BRD7: variants seen among roughly 807,000 people sequenced by gnomAD.
The protein encoded by BRD7 is bromodomain-containing protein 7.
In BRD7, 15 loss-of-function variants were observed where a neutral mutation model predicts 82.1. The observed-to-expected ratio is 0.18, with a 90% confidence interval of 0.12 to 0.28. The LOEUF (loss-of-function observed/expected upper bound fraction) is 0.28. Among genes scored for constraint, BRD7 ranks in the 10% least tolerant of loss-of-function variants. The pLI, the probability that BRD7 is intolerant of heterozygous loss-of-function variation, is 1.00. For missense variants in BRD7, 638 were observed against 779.9 expected (o/e 0.82, Z 2.17); for synonymous variants, 232 against 266.9 (o/e 0.87, Z 1.27).
intron 16 of BRD7, among the ~76,000 whole-genome samples, chr16:50,319,608 T>TA (rs999691905): frequency 1.3e-5 from 2 of 152,090 alleles, no homozygotes; most frequent in African/African-American, 4.8e-5. Flanking sequence ...AAAACCCAAT[T>TA]AAAAAAATAC....
chr16:50,338,020 T>C (rs1463474539), intron 6 of BRD7, among the ~76,000 whole-genome samples: 3 of 152,198 alleles, frequency 2.0e-5, no homozygotes, highest in Admixed American at 2.0e-4. Context: ...TTGTATTAAC[T>C]ACATTACTTA....
At chr16:50,359,858 TG>T (rs2038875473) in intron 2 of BRD7, among the ~76,000 whole-genome samples, 1 of 151,968 alleles carries the variant, frequency 6.6e-6, no homozygotes, top group Admixed American at 6.6e-5. Flanking sequence ...CTAGCTAGGT[TG>T]GGGGTGGAGG....
intron 4 of BRD7, among the ~76,000 whole-genome samples, chr16:50,352,732 G>A (rs1318250239): frequency 2.8e-5 from 4 of 141,096 alleles, no homozygotes; most frequent in Non-Finnish European, 6.1e-5. Flanking sequence ...TTTGATAACA[G>A]GCATTCTAAT....
At chr16:50,353,921 T>C (rs988464426) in intron 4 of BRD7, among the ~76,000 whole-genome samples, 24 of 152,244 alleles carry the variant, frequency 1.6e-4, no homozygotes, top group African/African-American at 4.6e-4. Context: ...TTAATAAAGA[T>C]TGAGTTATTC....
chr16:50,351,441 G>A (rs957758394), intron 4 of BRD7, among the ~76,000 whole-genome samples: 4 of 152,190 alleles, frequency 2.6e-5, no homozygotes, highest in Admixed American at 6.5e-5. Context: ...TTACCGTAAC[G>A]GCAGCATTCA....
At position 50,354,921 on chromosome 16, in the gene BRD7, T is replaced by C. The variant is rs2038675501; in HGVS notation, c.260A>G (p.Glu87Gly). 5 of 1,613,578 alleles carry C rather than the reference T, an allele frequency of 3.1e-6. No homozygotes were observed. Among genetic ancestry groups the C allele is most frequent in the Non-Finnish European group, 4.2e-6 (5 of 1,179,822 alleles). The change falls in exon 3 of 17, where the codon GAG becomes GGG. Residue 87 changes from glutamate to glycine, a missense_variant and splice_region_variant. By Grantham distance (98) the Glu-to-Gly change is moderately conservative. Coordinates refer to ENST00000394688, the MANE Select transcript of BRD7 (RefSeq NM_013263.5). ...GTCTCGATCTCGCTTCTTTTTATCC[T>C]CCTAAATGGAACAAAGGGAGATAAT... The part of the protein sequence containing the change: ...EKGRKRRRVK[E>G]DKKKRDRDRV...
chr16:50,354,415 A>T lies in BRD7; in HGVS notation c.446+10T>A, dbSNP rs1339238586. The T allele has an allele frequency of 1.2e-6, 2 of 1,606,572 alleles. No homozygotes were observed. Among genetic ancestry groups the T allele is most frequent in the Non-Finnish European group, 8.5e-7 (1 of 1,174,450 alleles). On this transcript the variant is annotated intron_variant, in intron 4 of 16. Transcript: ENST00000394688. ...TTTCTATGTTATAAAAATATTGGAA[A>T]AACATTTACCTCTGCAATTGTCTCA...
At chr16:50,328,848 T>A in intron 8 of BRD7, 104 bp from the exon 9 acceptor site, 1 of 973,308 alleles carries the variant, frequency 1.0e-6, no homozygotes, top group Admixed American at 2.6e-5. Context: ...GGATTGCAGA[T>A]TTTCCCAGAT....
At chr16:50,323,355 A>G (rs1567598716) in intron 12 of BRD7, among the ~76,000 whole-genome samples, 1 of 152,170 alleles carries the variant, frequency 6.6e-6, no homozygotes. Flanking sequence ...TTTGAGTCCT[A>G]CATTCCCAAG....
chr16:50,340,837 T>C (rs1022166020), intron 5 of BRD7, among the ~76,000 whole-genome samples: 2 of 152,138 alleles, frequency 1.3e-5, no homozygotes, highest in Admixed American at 6.5e-5. Flanking sequence ...GTTAAGTAAT[T>C]TTTACATCTA....
chr16:50,322,114 G>A (rs759316585), intron 12 of BRD7, 76 bp from the exon 13 acceptor site: 25 of 1,212,566 alleles, frequency 2.1e-5, no homozygotes, highest in Non-Finnish European at 2.6e-5. Context: ...AAACTGTCAG[G>A]AGTTTCTTGG....
chr16:50,330,340 T>G (rs1474987247), intron 8 of BRD7, among the ~76,000 whole-genome samples: 1 of 31,562 alleles, frequency 3.2e-5, no homozygotes, highest in African/African-American at 7.6e-5. Flanking sequence ...GAGGACACTT[T>G]TTTTTTTTTT....
rs2038396784 is a variant in BRD7 at position 50,348,860 on chromosome 16, G to A, written c.591+1163C>T. Among the ~76,000 whole-genome samples, 5 of 152,264 alleles carry A rather than the reference G, an allele frequency of 3.3e-5. No individual in the cohort carries two copies. The South Asian group carries it at 1.0e-3, about 32-fold the overall frequency. On this transcript the variant is annotated intron_variant, in intron 5 of 16. Transcript: ENST00000394688. ...GAAGACAGTGTGGCGATTCCTCAAG[G>A]ATCTAGAACTAGAAATAGCATTTGA...
intron 9 of BRD7, among the ~76,000 whole-genome samples, chr16:50,327,638 T>C (rs968105158): frequency 1.3e-5 from 2 of 152,196 alleles, no homozygotes; most frequent in Non-Finnish European, 1.5e-5. Flanking sequence ...TGTTCTCTCA[T>C]CCCTTACTCA....
At chr16:50,335,681 T>C (rs1339673442) in intron 6 of BRD7, among the ~76,000 whole-genome samples, 4 of 152,102 alleles carry the variant, frequency 2.6e-5, no homozygotes, top group Admixed American at 6.5e-5. Flanking sequence ...TGGAGTAACA[T>C]AAACTAAGAA....
chr16:50,362,550 A>G (rs1307918734), intron 2 of BRD7, among the ~76,000 whole-genome samples: 2 of 152,338 alleles, frequency 1.3e-5, no homozygotes, highest in Non-Finnish European at 2.9e-5. Flanking sequence ...GAAGCAAACC[A>G]CATGTCCACT....
chr16:50,319,538 T>C (rs1198424898), intron 16 of BRD7, among the ~76,000 whole-genome samples: 1 of 152,202 alleles, frequency 6.6e-6, no homozygotes, highest in African/African-American at 2.4e-5. Flanking sequence ...TTGACCCTTC[T>C]TATCCATGGG....
chr16:50,355,386 T>G (rs2038692144), intron 2 of BRD7, among the ~76,000 whole-genome samples: 1 of 152,234 alleles, frequency 6.6e-6, no homozygotes, highest in Non-Finnish European at 1.5e-5. Context: ...TTGCATTAAT[T>G]TACCTCGAAG....
intron 5 of BRD7, among the ~76,000 whole-genome samples, chr16:50,341,488 A>G (rs1219541854): frequency 1.3e-5 from 2 of 151,634 alleles, no homozygotes; most frequent in African/African-American, 4.9e-5. Flanking sequence ...TAAAAATACA[A>G]AAAAATTAGC....
Sources: gnomAD v4.1 joint callset for allele counts (sites outside exome capture counted in the v4.1 genomes callset) on GRCh38, gnomAD v4.1.1 for gene constraint, MANE v1.5 for transcripts, NCBI Gene and HGNC (gene_info 2026-07-23, HGNC 2026-07-21) for gene names.